Variants in SPATA16 observed in about 807,000 individuals in gnomAD.
SPATA16 encodes the protein spermatogenesis-associated protein 16.
In SPATA16, 36 loss-of-function variants were observed where a neutral mutation model predicts 63.3. The ratio of observed to expected loss-of-function variants is 0.57; its 90% CI spans 0.44 to 0.75. The LOEUF (loss-of-function observed/expected upper bound fraction) is 0.75, where lower values mean the gene tolerates loss of function less well. Ranked by LOEUF, SPATA16 falls within the 30% of genes least tolerant of loss-of-function variation. The pLI, the probability that SPATA16 is intolerant of heterozygous loss-of-function variation, is 0.00. For synonymous variants in SPATA16, 203 were observed against 216.7 expected (o/e 0.94, Z 0.56); for missense variants, 646 against 679.3 (o/e 0.95, Z 0.54).
chr3:173,016,436 T>C (rs1735189669), intron 4 of SPATA16, among the ~76,000 whole-genome samples: 2 of 152,222 alleles, frequency 1.3e-5, no homozygotes, highest in African/African-American at 4.8e-5. Flanking sequence ...TCAGAAAACC[T>C]AAGACATTCT....
intron 10 of SPATA16, among the ~76,000 whole-genome samples, chr3:172,906,659 G>A (rs1056400314): frequency 1.3e-4 from 20 of 152,120 alleles, no homozygotes. Flanking sequence ...TAGGCTCCAG[G>A]GTCAGATGAA....
At chr3:173,066,771 C>T (rs1736530727) in intron 2 of SPATA16, among the ~76,000 whole-genome samples, 2 of 152,098 alleles carry the variant, frequency 1.3e-5, no homozygotes, top group African/African-American at 4.8e-5. Flanking sequence ...AACAAACATC[C>T]ATAAGCAGCA....
intron 2 of SPATA16, among the ~76,000 whole-genome samples, chr3:173,114,789 AATG>A (rs1456617825): frequency 2.0e-5 from 3 of 152,226 alleles, no homozygotes; most frequent in Admixed American, 1.3e-4. Flanking sequence ...AGATGCTTTA[AATG>A]ATATGTGAGA....
At chr3:173,075,075 G>A (rs937673229) in intron 2 of SPATA16, among the ~76,000 whole-genome samples, 29 of 149,858 alleles carry the variant, frequency 1.9e-4, no homozygotes, top group African/African-American at 6.4e-4. Flanking sequence ...TGATGAGATC[G>A]TTTGTATCCT....
chr3:173,066,480 G>C (rs1442032402), intron 2 of SPATA16, among the ~76,000 whole-genome samples: 1 of 152,150 alleles, frequency 6.6e-6, no homozygotes, highest in Non-Finnish European at 1.5e-5. Flanking sequence ...CCTGACTGGG[G>C]GAAAGAGGGA....
chr3:173,102,181 C>T (rs1737513390), intron 2 of SPATA16, among the ~76,000 whole-genome samples: 2 of 152,168 alleles, frequency 1.3e-5, no homozygotes, highest in South Asian at 4.1e-4. Context: ...GGTTTCAAGT[C>T]TCAAATTCCT....
chr3:173,064,502 G>A (rs1251092534), intron 2 of SPATA16, among the ~76,000 whole-genome samples: 1 of 151,982 alleles, frequency 6.6e-6, no homozygotes, highest in East Asian at 1.9e-4. Flanking sequence ...CTGCAAAACA[G>A]ACCACTCAAA....
chr3:173,064,295 G>A (rs1213218361), intron 2 of SPATA16, among the ~76,000 whole-genome samples: 3 of 118,230 alleles, frequency 2.5e-5, no homozygotes, highest in East Asian at 5.2e-4. Flanking sequence ...GCAACAGAGC[G>A]AAACTCCATC....
At chr3:172,996,897 T>G (rs1197639912) in intron 4 of SPATA16, among the ~76,000 whole-genome samples, 1 of 152,298 alleles carries the variant, frequency 6.6e-6, no homozygotes, top group East Asian at 1.9e-4. Flanking sequence ...CAATAGGTAG[T>G]CTTTCAGACT....
intron 3 of SPATA16, among the ~76,000 whole-genome samples, chr3:173,047,834 A>G (rs1735992596): frequency 6.6e-6 from 1 of 151,994 alleles, no homozygotes; most frequent in Non-Finnish European, 1.5e-5. Flanking sequence ...ATCTGCCTCT[A>G]TGTTTTGTAG....
chr3:173,101,767 G>T (rs1414215191), intron 2 of SPATA16, among the ~76,000 whole-genome samples: 1 of 152,074 alleles, frequency 6.6e-6, no homozygotes, highest in African/African-American at 2.4e-5. Context: ...CTAGATCCAA[G>T]AGTATTACTC....
intron 3 of SPATA16, among the ~76,000 whole-genome samples, chr3:173,030,461 A>C (rs1560101946): frequency 6.6e-6 from 1 of 152,136 alleles, no homozygotes; most frequent in Non-Finnish European, 1.5e-5. Flanking sequence ...CCAAGGGCCA[A>C]TAAGCATATG....
intron 6 of SPATA16, among the ~76,000 whole-genome samples, chr3:172,948,348 A>G (rs1226790472): frequency 6.6e-6 from 1 of 152,236 alleles, no homozygotes; most frequent in Non-Finnish European, 1.5e-5. Context: ...GCTGAAGGAA[A>G]AAGTATTTTA....
chr3:172,928,627 T>C (rs1732794389), intron 6 of SPATA16, among the ~76,000 whole-genome samples: 1 of 152,224 alleles, frequency 6.6e-6, no homozygotes, highest in Non-Finnish European at 1.5e-5. Flanking sequence ...AGGAGAGCAA[T>C]ACTATTATTG....
intron 3 of SPATA16, among the ~76,000 whole-genome samples, chr3:173,048,614 C>G (rs1337437375): frequency 6.6e-6 from 1 of 152,130 alleles, no homozygotes; most frequent in Non-Finnish European, 1.5e-5. Context: ...CATTCCACAA[C>G]TGCAATTTCG....
chr3:173,030,100 A>G (rs907205305), intron 3 of SPATA16, among the ~76,000 whole-genome samples: 3 of 148,752 alleles, frequency 2.0e-5, no homozygotes, highest in Non-Finnish European at 4.4e-5. Flanking sequence ...CTATCTATCT[A>G]TCTACCCACC....
At chr3:173,040,554 TG>T (rs1735816239) in intron 3 of SPATA16, among the ~76,000 whole-genome samples, 1 of 152,288 alleles carries the variant, frequency 6.6e-6, no homozygotes, top group East Asian at 1.9e-4. Context: ...GTGAGTGAAG[TG>T]GTAGCTGAAT....
At chr3:172,897,224 T>C (rs1056889705) in intron 10 of SPATA16, among the ~76,000 whole-genome samples, 5 of 152,282 alleles carry the variant, frequency 3.3e-5, no homozygotes, top group African/African-American at 1.2e-4. Context: ...TTTCTTCCAC[T>C]GAATTGCTTT....
At chr3:173,029,332 C>T (rs1198729723) in intron 3 of SPATA16, among the ~76,000 whole-genome samples, 3 of 151,548 alleles carry the variant, frequency 2.0e-5, no homozygotes, top group Non-Finnish European at 4.4e-5. Flanking sequence ...TTTATGGAAG[C>T]TGGTAGAAGG....
Sources: gnomAD v4.1 joint callset for allele counts (sites outside exome capture counted in the v4.1 genomes callset) on GRCh38, gnomAD v4.1.1 for gene constraint, MANE v1.5 for transcripts, NCBI Gene and HGNC (gene_info 2026-07-23, HGNC 2026-07-21) for gene names.